The following DST variants were observed in gnomAD, a reference collection of about 807,000 sequenced individuals.
DST encodes the protein bullous pemphigoid antigen.
Under a neutral mutation model 875.2 loss-of-function variants are expected in DST, and 253 were observed. The ratio of observed to expected loss-of-function variants is 0.29; its 90% confidence interval spans 0.26 to 0.32. DST has a LOEUF of 0.32. DST is among the 10% of genes least tolerant of loss of function. The pLI is 1.00. For missense variants in DST, 8,287 were observed against 9,111.6 expected, an observed-to-expected ratio of 0.91 and a Z score of 3.68; for synonymous variants, 3,124 against 3,197.1, an observed-to-expected ratio of 0.98 and a Z score of 0.77.
chr6:56,534,655 T>A (rs1379262479), intron 63 of DST, among the ~76,000 whole-genome samples: 1 of 152,214 alleles, frequency 6.6e-6, no homozygotes, highest in Non-Finnish European at 1.5e-5. Context: ...GTTATTTCCA[T>A]ACAAATGCCA....
intron 103 of DST, 140 bp from the exon 104 acceptor site, chr6:56,459,407 G>T: frequency 1.2e-6 from 1 of 831,980 alleles, no homozygotes; most frequent in Non-Finnish European, 1.8e-6. Flanking sequence ...TGGATTCACA[G>T]CCTTTCTCTA....
At chr6:56,502,351 T>G (rs1395312988) in intron 78 of DST, among the ~76,000 whole-genome samples, 3 of 152,160 alleles carry the variant, frequency 2.0e-5, no homozygotes, top group Non-Finnish European at 4.4e-5. Flanking sequence ...AGTACAAAAT[T>G]CATGGCTAGA....
Position 56,735,210 on chromosome 6 carries a change from A to G in DST, c.687+18T>C, listed in dbSNP as rs770128919. The G allele has an allele frequency of 1.1e-5, 17 of 1,508,848 alleles. No individual in the cohort carries two copies. The highest frequency in any genetic ancestry group is 1.5e-5 in the Non-Finnish European group (17 of 1,108,368). The allele number at this position is 1,508,848 out of a possible 1,614,324, so 93.5% of individuals were successfully genotyped here. On this transcript the variant is annotated intron_variant, in intron 5 of 103. Transcript: ENST00000680361. ...ATATTCCAAACAATTCCAGGAAGTG[A>G]ACGAAATAAAAACTGACCTTCATGA... is the stretch of plus-strand genomic sequence containing the variant.
chr6:56,645,816 A>T (rs76039424), intron 15 of DST, 50 bp downstream of exon 15: 1 of 1,596,152 alleles, frequency 6.3e-7, no homozygotes, highest in African/African-American at 1.4e-5. Flanking sequence ...CAAGAACACA[A>T]AGGCCCCCTC....
In DST at chr6:56,493,213, A is replaced by G. The variant is rs190130739; in HGVS notation, c.20395-124T>C. On this transcript the variant is annotated intron_variant, in intron 83 of 103. Transcript: ENST00000680361. Reference sequence around the variant, plus strand: ...ACTTTATTTATGCATATCTATTAATATATTAACTAAATATCTTATAAATGT... The same window carrying G: ...ACTTTATTTATGCATATCTATTAATGTATTAACTAAATATCTTATAAATGT... The G allele has an allele frequency of 2.5e-4, 183 of 724,362 alleles. No individual in the cohort carries two copies. The South Asian group carries it at 3.8e-3, about 15-fold the overall frequency. 44.9% of individuals were successfully genotyped at this position (724,362 alleles called of 1,614,324 possible). A position where few individuals can be genotyped will look rare whatever the true frequency, so the allele number is the denominator to read the frequency against.
chr6:56,846,416 T>A (rs1300590281), intron 4 of DST, among the ~76,000 whole-genome samples: 1 of 152,222 alleles, frequency 6.6e-6, no homozygotes, highest in Non-Finnish European at 1.5e-5. Flanking sequence ...TTCGAAGAAT[T>A]TGGATAGGAC....
intron 88 of DST, among the ~76,000 whole-genome samples, chr6:56,483,084 T>G (rs902121151): frequency 1.3e-5 from 2 of 152,190 alleles, no homozygotes; most frequent in African/African-American, 4.8e-5. Flanking sequence ...TGTATAAATT[T>G]GTTCAGTCCT....
At position 56,470,191 on chromosome 6, in the gene DST, T is replaced by G. The variant is rs755207298; in HGVS notation, c.22413A>C (p.Ala7471=). The change falls in exon 96 of 104, where the codon GCA becomes GCC. Residue 7471 remains alanine (A), a synonymous_variant. Coordinates refer to ENST00000680361, the MANE Select transcript of DST (RefSeq NM_001374736.1). ...DGYIDYYEFV[A]ALHPNKDAYK... is the part of the protein sequence containing the mutation. ...ATGCATCTTTATTTGGGTGAAGGGC[T>G]GCTACAAATTCATAGTAGTCAATAT... 41 of 1,612,390 alleles carry G rather than the reference T, an allele frequency of 2.5e-5. No individual in the cohort carries two copies. Among genetic ancestry groups the G allele is most frequent in the Non-Finnish European group, 3.3e-5 (39 of 1,179,188 alleles).
At position 56,943,856 on chromosome 6, in the gene DST, C is replaced by T. The variant is rs563613488; in HGVS notation, c.216+9929G>A. 2.6e-5 allele frequency among the ~76,000 whole-genome samples: 4 copies of T among 152,174 alleles called. No homozygotes were observed. In the South Asian group the frequency reaches 8.3e-4, roughly 32 times the overall value. On this transcript the variant is annotated intron_variant, in intron 2 of 103. Coordinates refer to ENST00000680361, the MANE Select transcript of DST (RefSeq NM_001374736.1). ...ACGGGGCCAGGCAGAGTGGCTCACG[C>T]ATGTAATCCCAGCACTTTGGGAGAC... is the stretch of plus-strand genomic sequence containing the variant.
chr6:56,666,277 A>C (rs778246744), intron 10 of DST, among the ~76,000 whole-genome samples: 2 of 152,162 alleles, frequency 1.3e-5, no homozygotes, highest in Non-Finnish European at 2.9e-5. Flanking sequence ...TTGATTAATA[A>C]CTTATAACAG....
Position 56,459,053 on chromosome 6 carries a change from G to C in DST, c.23409C>G (p.Pro7803=). ...ATTTGCTGGCAGGTGATTTCCTCTG[G>C]GGCGTGGGGATTTTTGAAGGCTTCG... ...STAKPSKIPT[P]QRKSPASKLD... is the part of the protein sequence containing the mutation. Residue 7803 remains proline, a synonymous_variant, in exon 104 of 104, where the codon CCC becomes CCG. Coordinates refer to ENST00000680361, the MANE Select transcript of DST (RefSeq NM_001374736.1). The C allele has an allele frequency of 6.2e-7, 1 of 1,613,922 alleles. No individual in the cohort carries two copies. The highest frequency in any genetic ancestry group is 8.5e-7 in the Non-Finnish European group (1 of 1,179,842).
intron 4 of DST, among the ~76,000 whole-genome samples, chr6:56,793,811 G>A (rs1432255534): frequency 1.3e-5 from 2 of 152,138 alleles, no homozygotes; most frequent in African/African-American, 4.8e-5. Context: ...AGATCTTAAA[G>A]TGAAACATTA....
In DST at chr6:56,604,090, T is replaced by C. The variant is rs541486039; in HGVS notation, c.10538A>G (p.Gln3513Arg). The C allele has an allele frequency of 6.3e-7, 1 of 1,579,312 alleles. No individual in the cohort carries two copies. The highest frequency in any genetic ancestry group is 1.8e-5 in the Admixed American group (1 of 54,248). Reference sequence around the variant, plus strand: ...CATCTCAGATGTAGAACATGCTTTTTGATTAAAGTCTCCAACATGTTCTAT... The same window carrying C: ...CATCTCAGATGTAGAACATGCTTTTCGATTAAAGTCTCCAACATGTTCTAT... The part of the protein sequence containing the change: ...EKIEHVGDFN[Q>R]KACSTSEMME... Residue 3513 changes from glutamine (Q) to arginine (R), a missense_variant, in exon 40 of 104, where the codon CAA becomes CGA. Gln to Arg is a conservative substitution (Grantham distance 43, BLOSUM62 1). This residue lies in a region of DST where 3,138 missense variants were observed against 3,116.6 expected (regional missense o/e 1.01). Coordinates refer to ENST00000680361, the MANE Select transcript of DST (RefSeq NM_001374736.1).
At chr6:56,742,556 G>C (rs557758996) in intron 4 of DST, among the ~76,000 whole-genome samples, 2 of 152,268 alleles carry the variant, frequency 1.3e-5, no homozygotes, top group East Asian at 1.9e-4. Context: ...TTACTAAAAA[G>C]AAACCAAATT....
intron 4 of DST, among the ~76,000 whole-genome samples, chr6:56,757,538 G>T (rs964622059): frequency 6.6e-6 from 1 of 152,178 alleles, no homozygotes; most frequent in African/African-American, 2.4e-5. Context: ...CCCTGATTCT[G>T]ATGGGGACAC....
At chr6:56,800,727 T>C (rs1268826000) in intron 4 of DST, among the ~76,000 whole-genome samples, 1 of 151,208 alleles carries the variant, frequency 6.6e-6, no homozygotes, top group East Asian at 1.9e-4. Context: ...AAATAAAAAC[T>C]CCTATCTAAG....
rs776926406 is a variant in DST, at chr6:56,530,152, G to T, written c.17109-19C>A. On this transcript the variant is annotated intron_variant, in intron 64 of 103. Coordinates refer to ENST00000680361, the MANE Select transcript of DST (RefSeq NM_001374736.1). Reference sequence around the variant, plus strand: ...ACGATTCCTACAAATGTGCCAAAAGGTCATTTAGGGATGAAGAATGTGTGA... The same window carrying T: ...ACGATTCCTACAAATGTGCCAAAAGTTCATTTAGGGATGAAGAATGTGTGA... 5 of 1,544,590 alleles carry T rather than the reference G, an allele frequency of 3.2e-6. No homozygotes were observed. Among genetic ancestry groups the T allele is most frequent in the Middle Eastern group, 1.7e-4 (1 of 5,812 alleles).
chr6:56,529,018 C>T, intron 66 of DST, 93 bp from the exon 67 acceptor site: 1 of 821,516 alleles, frequency 1.2e-6, no homozygotes. Flanking sequence ...TTAGATTTCA[C>T]AGAGACATAT....
In DST at chr6:56,501,061, T is replaced by A; in HGVS notation, c.19896+19A>T. Reference sequence around the variant, plus strand: ...AAATGGACAGAGAAGAAACATAACATGCATTAACAGCTACGTACATGATGC... The same window carrying A: ...AAATGGACAGAGAAGAAACATAACAAGCATTAACAGCTACGTACATGATGC... On this transcript the variant is annotated intron_variant, in intron 80 of 103. Coordinates refer to ENST00000680361, the MANE Select transcript of DST (RefSeq NM_001374736.1). The A allele has an allele frequency of 6.2e-7, 1 of 1,608,632 alleles. No individual in the cohort carries two copies. Among genetic ancestry groups the A allele is most frequent in the South Asian group, 1.1e-5 (1 of 90,142 alleles).
Sources: gnomAD v4.1 joint callset for allele counts (sites outside exome capture counted in the v4.1 genomes callset) on GRCh38, gnomAD v4.1.1 for gene constraint, gnomAD v4.1.1 regional missense constraint, MANE v1.5 for transcripts, NCBI Gene and HGNC (gene_info 2026-07-23, HGNC 2026-07-21) for gene names.